Variants in PCDHA10 observed in about 807,000 individuals in gnomAD.
PCDHA10 encodes the protein protocadherin alpha-10.
In PCDHA10, 45 loss-of-function variants were observed where a neutral mutation model predicts 61.2. That is an observed-to-expected ratio of 0.74 (90% CI 0.58 to 0.94). PCDHA10 has a LOEUF of 0.94. Among genes scored for constraint, PCDHA10 ranks in the 40% least tolerant of loss-of-function variants. The pLI is 0.00. For synonymous variants in PCDHA10, 602 were observed against 548.8 expected (o/e 1.10, Z -1.35); for missense variants, 1,278 against 1,236.2 (o/e 1.03, Z -0.51).
At chr5:140,884,307 C>G (rs144612735) in intron 1 of PCDHA10, 1 of 1,613,724 alleles carries the variant, frequency 6.2e-7, no homozygotes. Context: ...CAGGCTTCGT[C>G]GAGGGCGTCG....
intron 1 of PCDHA10, among the ~76,000 whole-genome samples, chr5:140,951,495 G>A (rs1554219919): frequency 1.3e-5 from 2 of 151,958 alleles, no homozygotes; most frequent in African/African-American, 4.8e-5. Context: ...ATGGTGGAAG[G>A]CAAAAGGAAA....
At position 141,009,636 on chromosome 5, in the gene PCDHA10, C is replaced by T. The variant is rs782321757; in HGVS notation, c.2546C>T (p.Ala849Val). ...ATGTTTTGTCTTTCAGAACCAGAGG[C>T]AGGAGAAGTGTCCCCTCCAGTCGGT... ...TVSSATPEPE[A>V]GEVSPPVGAG... Residue 849 changes from alanine (A) to valine (V), a missense_variant, in exon 4 of 4, where the codon GCA becomes GTA. Physicochemically the swap from Ala to Val is moderately conservative, Grantham distance 64. Transcript: ENST00000307360. 3.7e-6 allele frequency: 6 copies of T among 1,613,192 alleles called. No homozygotes were observed. Among genetic ancestry groups the T allele is most frequent in the Non-Finnish European group, 4.2e-6 (5 of 1,179,532 alleles).
intron 1 of PCDHA10, among the ~76,000 whole-genome samples, chr5:140,898,431 A>G (rs1482364069): frequency 6.6e-6 from 1 of 152,182 alleles, no homozygotes; most frequent in East Asian, 1.9e-4. Context: ...TCCCAGCACC[A>G]TTTATTAAAT....
Position 140,949,482 on chromosome 5 carries a change from A to G in PCDHA10, c.2389-29467A>G, listed in dbSNP as rs1435722195. Among the ~76,000 whole-genome samples, 4 of 151,834 alleles carry G rather than the reference A, an allele frequency of 2.6e-5. No homozygotes were observed. The South Asian group carries it at 8.3e-4, about 31-fold the overall frequency. ...TGAAGCCCTGTTATTAGGCACACACATTGATGATTATTATAATTTCCTGAT... is the reference window on the plus strand; with the variant it reads ...TGAAGCCCTGTTATTAGGCACACACGTTGATGATTATTATAATTTCCTGAT... On this transcript the variant is annotated intron_variant, in intron 1 of 3. Transcript: ENST00000307360.
chr5:140,974,636 C>T (rs1208653634), intron 1 of PCDHA10, among the ~76,000 whole-genome samples: 2 of 152,054 alleles, frequency 1.3e-5, no homozygotes, highest in African/African-American at 4.8e-5. Flanking sequence ...CTCAACCTCC[C>T]GAGTAGCTGA....
intron 1 of PCDHA10, among the ~76,000 whole-genome samples, chr5:140,943,089 T>C (rs2093417033): frequency 6.6e-6 from 1 of 151,612 alleles, no homozygotes; most frequent in African/African-American, 2.4e-5. Flanking sequence ...AAATCCTGCC[T>C]CTACTAAAAA....
At chr5:140,951,098 A>T (rs1480000816) in intron 1 of PCDHA10, among the ~76,000 whole-genome samples, 1 of 151,264 alleles carries the variant, frequency 6.6e-6, no homozygotes, top group African/African-American at 2.4e-5. Flanking sequence ...TTCTGATAAG[A>T]TTTCCTTTAT....
In PCDHA10 at chr5:140,857,009, G is replaced by T; in HGVS notation, c.961G>T (p.Val321Phe). 2 of 1,596,020 alleles carry T rather than the reference G, an allele frequency of 1.3e-6. 1 individual carries two copies. The highest frequency in any genetic ancestry group is 1.7e-6 in the Non-Finnish European group (2 of 1,165,702). Residue 321 changes from valine (V) to phenylalanine (F), a missense_variant, in exon 1 of 4, where the codon GTT becomes TTT. Val to Phe is a conservative substitution (Grantham distance 50, BLOSUM62 -1). Transcript: ENST00000307360. The part of the protein sequence containing the change: ...DSNTYEIHVD[V>F]TDKGNPPMVG... ...TAACACTTATGAAATTCATGTAGAT[G>T]TTACAGATAAGGGAAACCCACCTAT...
At chr5:140,869,098 T>C (rs1581867822) in intron 1 of PCDHA10, 7 of 1,596,122 alleles carry the variant, frequency 4.4e-6, no homozygotes, top group Non-Finnish European at 5.1e-6. Flanking sequence ...GCCAATTTCG[T>C]ATGCGATGTT....
chr5:140,916,563 G>A (rs2077621809), intron 1 of PCDHA10, among the ~76,000 whole-genome samples: 1 of 152,198 alleles, frequency 6.6e-6, no homozygotes, highest in African/African-American at 2.4e-5. Context: ...TGTCCAGGGT[G>A]TGTCTAGAAA....
At chr5:140,963,705 C>T (rs1351751729) in intron 1 of PCDHA10, among the ~76,000 whole-genome samples, 1 of 152,130 alleles carries the variant, frequency 6.6e-6, no homozygotes, top group Non-Finnish European at 1.5e-5. Flanking sequence ...ATCTAAAGGG[C>T]CATGCTACAT....
In PCDHA10 at chr5:140,858,087, G is replaced by A. The variant is rs782702941; in HGVS notation, c.2039G>A (p.Arg680Gln). Residue 680 changes from arginine to glutamine, a missense_variant, in exon 1 of 4, where the codon CGG (arginine) becomes CAG (glutamine). Coordinates refer to ENST00000307360, the MANE Select transcript of PCDHA10 (RefSeq NM_018901.4). ...EGSQAPKASS[R>Q]ASVGVAPEVA... is the part of the protein sequence containing the mutation. Reference sequence around the variant, plus strand: ...AGCCAGGCACCCAAGGCCTCGTCGCGGGCTTCAGTGGGCGTGGCGCCCGAG... The same window carrying A: ...AGCCAGGCACCCAAGGCCTCGTCGCAGGCTTCAGTGGGCGTGGCGCCCGAG... The A allele has an allele frequency of 4.1e-5, 66 of 1,597,710 alleles. 5 individuals carry two copies. Among genetic ancestry groups the A allele is most frequent in the Non-Finnish European group, 5.3e-5 (62 of 1,167,710 alleles).
chr5:140,856,613 A>G lies in PCDHA10; in HGVS notation c.565A>G (p.Lys189Glu). The change falls in exon 1 of 4, where the codon AAA becomes GAA. Residue 189 changes from lysine to glutamate, a missense_variant. Physicochemically the swap from Lys to Glu is moderately conservative, Grantham distance 56. Coordinates refer to ENST00000307360, the MANE Select transcript of PCDHA10 (RefSeq NM_018901.4). ...LDIINKKDKDKFPVLVLRKLL... is the reference protein window; with the variant it reads ...LDIINKKDKDEFPVLVLRKLL... ...TATTATAAACAAAAAAGACAAAGAC[A>G]AATTCCCAGTGCTTGTTCTGCGGAA... 6.3e-7 allele frequency: 1 copy of G among 1,598,082 alleles called. No individual in the cohort carries two copies. Among genetic ancestry groups the G allele is most frequent in the Non-Finnish European group, 8.6e-7 (1 of 1,167,584 alleles).
At chr5:140,876,724 G>C (rs140611870) in intron 1 of PCDHA10, 4 of 1,614,128 alleles carry the variant, frequency 2.5e-6, no homozygotes, top group Non-Finnish European at 2.5e-6. Context: ...CCGCGAGAGC[G>C]TGTCGGCCTA....
chr5:140,971,973 A>G (rs1554233757), intron 1 of PCDHA10, among the ~76,000 whole-genome samples: 1 of 152,218 alleles, frequency 6.6e-6, no homozygotes, highest in South Asian at 2.1e-4. Flanking sequence ...TTTCAATACT[A>G]TGAGTAGACA....
At position 140,962,458 on chromosome 5, in the gene PCDHA10, G is replaced by A. The variant is rs535139362; in HGVS notation, c.2389-16491G>A. ...CCAAAGATGGCTTGAATCTCTTATG[G>A]CTTGAATCTCTTTGTTTATTCTAAG... On this transcript the variant is annotated intron_variant, in intron 1 of 3. Transcript: ENST00000307360. Among the ~76,000 whole-genome samples, 222 of 152,088 alleles carry A rather than the reference G, an allele frequency of 1.5e-3. 9 individuals carry two copies. In the South Asian group the frequency reaches 0.044, roughly 30 times the overall value.
intron 1 of PCDHA10, chr5:140,861,215 A>G (rs77020201): frequency 0.081 from 13,442 of 165,830 alleles, 594 homozygotes; most frequent in Middle Eastern, 0.11. Flanking sequence ...TAACCAAAAG[A>G]GAGGCATAAT....
In PCDHA10 at chr5:140,894,570, T is replaced by G. The variant is rs558111947; in HGVS notation, c.2388+36134T>G. ...TTTACTTCTGAAAAAATTATTTTCC[T>G]TTTTTTTAATATTTTACTGAGTTTT... On this transcript the variant is annotated intron_variant, in intron 1 of 3. Coordinates refer to ENST00000307360, the MANE Select transcript of PCDHA10 (RefSeq NM_018901.4). Among the ~76,000 whole-genome samples the G allele has an allele frequency of 1.5e-4, 23 of 151,856 alleles. No individual in the cohort carries two copies. The South Asian group carries it at 4.4e-3, about 29-fold the overall frequency.
intron 1 of PCDHA10, among the ~76,000 whole-genome samples, chr5:140,919,231 CT>C (rs2079047316): frequency 6.6e-6 from 1 of 152,160 alleles, no homozygotes; most frequent in African/African-American, 2.4e-5. Context: ...TCTAGTAACA[CT>C]TTTTGTCTTG....
Sources: allele counts gnomAD v4.1 joint callset (sites outside exome capture counted in the v4.1 genomes callset), GRCh38; gene constraint gnomAD v4.1.1; transcripts MANE v1.5; gene names NCBI Gene and HGNC (gene_info 2026-07-23, HGNC 2026-07-21).